SLC35E1: variants seen among roughly 807,000 people sequenced by gnomAD.
SLC35E1 encodes solute carrier family 35, member E1.
Under a neutral mutation model 31.0 loss-of-function variants are expected in SLC35E1, and 12 were observed. That is an observed-to-expected ratio of 0.39 (90% CI 0.25 to 0.63). The LOEUF is 0.63. SLC35E1 is among the 20% of genes least tolerant of loss of function. The pLI is 0.52. For synonymous variants in SLC35E1, 257 were observed against 264.1 expected (o/e 0.97, Z 0.26); for missense variants, 429 against 572.2 (o/e 0.75, Z 2.55).
rs116520516 is a variant in SLC35E1, at chr19:16,567,952, G to A, written c.630+80C>T. The A allele has an allele frequency of 2.7e-4, 392 of 1,451,846 alleles. No homozygotes were observed. In the African/African-American group the frequency reaches 4.4e-3, roughly 16 times the overall value. 89.9% of individuals were successfully genotyped at this position (1,451,846 alleles called of 1,614,324 possible). On this transcript the variant is annotated intron_variant, in intron 3 of 5. Coordinates refer to ENST00000595753, the MANE Select transcript of SLC35E1 (RefSeq NM_024881.5). ...CTAATAGCAAAGAAATTTCTACTCC[G>A]CCTGTTTTCCCAATGCCACCAGTTT...
chr19:16,552,519 G>C lies in SLC35E1; in HGVS notation c.*1160C>G, dbSNP rs963720526. 1.3e-5 allele frequency: 2 copies of C among 152,100 alleles called. No individual in the cohort carries two copies. The highest frequency in any genetic ancestry group is 1.3e-4 in the Admixed American group (2 of 15,266). The allele number at this position is 152,100 out of a possible 1,614,324, so 9.4% of individuals were successfully genotyped here. On this transcript the variant is annotated 3_prime_UTR_variant, in exon 6 of 6. Transcript: ENST00000595753. ...CCGGCTAATTTCTGTATTTTTAGTAGAGATGGGGTTTCACTATGTTGGCCA... is the reference window on the plus strand; with the variant it reads ...CCGGCTAATTTCTGTATTTTTAGTACAGATGGGGTTTCACTATGTTGGCCA...
At chr19:16,564,894 C>T (rs1356153851) in intron 4 of SLC35E1, 12 of 312,484 alleles carry the variant, frequency 3.8e-5, no homozygotes, top group Non-Finnish European at 6.4e-5. Flanking sequence ...CAATGTGAAA[C>T]GAAAGTTAGA....
intron 4 of SLC35E1, 129 bp downstream of exon 4, chr19:16,566,403 G>A: frequency 7.8e-7 from 1 of 1,284,938 alleles, no homozygotes; most frequent in Non-Finnish European, 1.1e-6. Context: ...AGGACTGACT[G>A]CTGAAAGCGC....
intron 4 of SLC35E1, among the ~76,000 whole-genome samples, chr19:16,561,876 C>CA: frequency 6.6e-6 from 1 of 152,248 alleles, no homozygotes; most frequent in Non-Finnish European, 1.5e-5. Context: ...TTAAAATACA[C>CA]AAAGTCATGC....
At chr19:16,565,074 GCCT>G (rs772948458) in intron 4 of SLC35E1, 2 of 455,274 alleles carry the variant, frequency 4.4e-6, no homozygotes, top group Admixed American at 2.4e-5. Flanking sequence ...AATCGCACTG[GCCT>G]CCTCCTCACC....
intron 4 of SLC35E1, among the ~76,000 whole-genome samples, chr19:16,556,644 C>T (rs1211959499): frequency 6.6e-6 from 1 of 152,220 alleles, no homozygotes; most frequent in Non-Finnish European, 1.5e-5. Context: ...AGGCTGGTCC[C>T]AGGACAGGCA....
chr19:16,568,092 TCC>T lies in SLC35E1; in HGVS notation c.568_569del (p.Gly190ThrfsTer82). 1 of 1,613,082 alleles carries T rather than the reference TCC, an allele frequency of 6.2e-7. No individual in the cohort carries two copies. Among genetic ancestry groups the T allele is most frequent in the South Asian group, 1.1e-5 (1 of 91,002 alleles). On this transcript the variant is annotated frameshift_variant, in exon 3 of 6. Coordinates refer to ENST00000595753, the MANE Select transcript of SLC35E1 (RefSeq NM_024881.5). LOFTEE classifies it high-confidence loss of function. Reference protein sequence around the residue: ...TVTELSFDMWGLVSALAATLC... With the variant: ...TVTELSFDMWXLVSALAATLC... ...GCGTGGCGGCGAGGGCGCTGACGAG[TCC>T]CCACATGTCAAAAGACAACTCGGTG...
Position 16,566,790 on chromosome 19 carries a change from G to C in SLC35E1, c.631-133C>G, listed in dbSNP as rs2085934708. 6 of 1,083,036 alleles carry C rather than the reference G, an allele frequency of 5.5e-6. No individual in the cohort carries two copies. The East Asian group carries it at 1.5e-4, about 26-fold the overall frequency. 67.1% of individuals were successfully genotyped at this position (1,083,036 alleles called of 1,614,324 possible). A position where few individuals can be genotyped will look rare whatever the true frequency, so the allele number is the denominator to read the frequency against. The stretch of plus-strand genomic sequence containing the variant: ...GAGCTTGGACACCAAACCTGCAAGT[G>C]CATTTGTGAGGACATACACAGCACA... On this transcript the variant is annotated intron_variant, in intron 3 of 5. Transcript: ENST00000595753.
At chr19:16,556,981 A>G (rs770248290) in intron 4 of SLC35E1, 1 of 471,210 alleles carries the variant, frequency 2.1e-6, no homozygotes. Flanking sequence ...AGCCCCTGTA[A>G]TATATATGAG....
At chr19:16,571,851 G>T in intron 1 of SLC35E1, 93 bp downstream of exon 1, 1 of 1,335,632 alleles carries the variant, frequency 7.5e-7, no homozygotes, top group Non-Finnish European at 1.0e-6. Context: ...TCAGTCCGGC[G>T]GGACGCGCCC....
intron 4 of SLC35E1, among the ~76,000 whole-genome samples, chr19:16,563,282 C>A (rs1047386134): frequency 6.6e-5 from 10 of 151,458 alleles, no homozygotes; most frequent in African/African-American, 2.4e-5. Context: ...CGAGAACATG[C>A]CATTGCATTC....
At chr19:16,567,897 C>A in intron 3 of SLC35E1, 135 bp downstream of exon 3, 1 of 1,268,738 alleles carries the variant, frequency 7.9e-7, no homozygotes, top group South Asian at 1.6e-5. Flanking sequence ...AACAGAAAAT[C>A]AGCAGAATGG....
rs769419210 is a variant in SLC35E1, at chr19:16,568,101, G to A, written c.561C>T (p.Asp187=). The A allele has an allele frequency of 3.7e-6, 6 of 1,613,750 alleles. No individual in the cohort carries two copies. The highest frequency in any genetic ancestry group is 3.3e-5 in the South Asian group (3 of 91,064). The change falls in exon 3 of 6, where the codon GAC becomes GAT. Residue 187 remains aspartate, a synonymous_variant. Coordinates refer to ENST00000595753, the MANE Select transcript of SLC35E1 (RefSeq NM_024881.5). ...CGAGGGCGCTGACGAGTCCCCACATGTCAAAAGACAACTCGGTGACGGTGG... is the reference window on the plus strand; with the variant it reads ...CGAGGGCGCTGACGAGTCCCCACATATCAAAAGACAACTCGGTGACGGTGG... ...LLATVTELSF[D]MWGLVSALAA...
chr19:16,560,881 CA>C (rs1304202019), intron 4 of SLC35E1, among the ~76,000 whole-genome samples: 803 of 68,064 alleles, frequency 0.012, 4 homozygotes, highest in Middle Eastern at 0.035. Context: ...AAAAAAAAAC[CA>C]AAAAAAAAAA....
Position 16,555,496 on chromosome 19 carries a change from G to A in SLC35E1, c.757-99C>T, listed in dbSNP as rs1167745917. The stretch of plus-strand genomic sequence containing the variant: ...GGGTTAGGGGAAGGGATGTGGAGGG[G>A]CTCATCTGGAGCCTCATGGTCCACA... On this transcript the variant is annotated intron_variant, in intron 4 of 5. Coordinates refer to ENST00000595753, the MANE Select transcript of SLC35E1 (RefSeq NM_024881.5). The surrounding 1 kb of genome is among the most constrained non-coding windows in gnomAD (Gnocchi z 4.1). 2.0e-6 allele frequency: 3 copies of A among 1,491,624 alleles called. No homozygotes were observed. The highest frequency in any genetic ancestry group is 2.3e-5 in the East Asian group (1 of 42,898). 92.4% of individuals were successfully genotyped at this position (1,491,624 alleles called of 1,614,324 possible).
At chr19:16,571,280 C>T (rs1010307414) in intron 2 of SLC35E1, among the ~76,000 whole-genome samples, 7 of 152,022 alleles carry the variant, frequency 4.6e-5, no homozygotes, top group Admixed American at 2.6e-4. Context: ...CAACAGTGTT[C>T]CTAAGACCAC....
rs74406836 is a variant in SLC35E1, at chr19:16,551,755, T to A, written c.*1924A>T. ...CTGCCAAGACCCAAACTGATTCCTT[T>A]TTTTTTTTTTTTTTTTTGAGACAGA... On this transcript the variant is annotated 3_prime_UTR_variant, in exon 6 of 6. Coordinates refer to ENST00000595753, the MANE Select transcript of SLC35E1 (RefSeq NM_024881.5). The A allele has an allele frequency of 6.8e-6, 1 of 147,602 alleles. No homozygotes were observed. Among genetic ancestry groups the A allele is most frequent in the Non-Finnish European group, 1.5e-5 (1 of 66,638 alleles). The allele number at this position is 147,602 out of a possible 1,614,324, so 9.1% of individuals were successfully genotyped here. A position where few individuals can be genotyped will look rare whatever the true frequency, so the allele number is the denominator to read the frequency against.
At position 16,553,570 on chromosome 19, in the gene SLC35E1, G is replaced by C. The variant is rs1401907551; in HGVS notation, c.*109C>G. ...CCCAGGGCTTCTGATGGAGAGTTAT[G>C]CACCGTCCCCTCGGCTGGGTTGTAC... On this transcript the variant is annotated 3_prime_UTR_variant, in exon 6 of 6. Transcript: ENST00000595753. 2 of 1,064,478 alleles carry C rather than the reference G, an allele frequency of 1.9e-6. No homozygotes were observed. Among genetic ancestry groups the C allele is most frequent in the Admixed American group, 2.7e-5 (1 of 37,450 alleles). The allele number at this position is 1,064,478 out of a possible 1,614,324, so 65.9% of individuals were successfully genotyped here. A position where few individuals can be genotyped will look rare whatever the true frequency, so the allele number is the denominator to read the frequency against.
intron 4 of SLC35E1, 189 bp downstream of exon 4, chr19:16,566,343 A>G: frequency 4.2e-6 from 3 of 712,108 alleles, no homozygotes; most frequent in Non-Finnish European, 6.7e-6. Flanking sequence ...GGAAATACAC[A>G]GGAAACCCAC....
Sources: gnomAD v4.1 joint callset for allele counts (sites outside exome capture counted in the v4.1 genomes callset) on GRCh38, gnomAD v4.1.1 for gene constraint, Gnocchi (gnomAD v3.1) non-coding constraint, MANE v1.5 for transcripts, NCBI Gene and HGNC (gene_info 2026-07-23, HGNC 2026-07-21) for gene names.